The following PITPNB variants were observed in gnomAD, a reference collection of about 807,000 sequenced individuals.
PITPNB encodes the protein phosphatidylinositol transfer protein beta isoform.
PITPNB carries 16 observed loss-of-function variants against 45.9 expected under a neutral mutation model. That is an observed-to-expected ratio of 0.35 (90% confidence interval 0.24 to 0.53). The LOEUF (loss-of-function observed/expected upper bound fraction) is 0.53, where lower values mean the gene tolerates loss of function less well. Among genes scored for constraint, PITPNB ranks in the 20% least tolerant of loss-of-function variants. PITPNB has a pLI of 0.93. For missense variants in PITPNB, 188 were observed against 330.5 expected, an observed-to-expected ratio of 0.57 and a Z score of 3.34; for synonymous variants, 112 against 108.9, an observed-to-expected ratio of 1.03 and a Z score of -0.18.
At chr22:27,902,520 C>T (rs1935627578) in intron 3 of PITPNB, among the ~76,000 whole-genome samples, 1 of 149,900 alleles carries the variant, frequency 6.7e-6, no homozygotes, top group Admixed American at 6.6e-5. Flanking sequence ...AGAATGGATG[C>T]AATTATTGAG....
In PITPNB at chr22:27,916,321, A is replaced by G. The variant is rs1196807466; in HGVS notation, c.21-1974T>C. 2.6e-5 allele frequency among the ~76,000 whole-genome samples: 4 copies of G among 152,250 alleles called. No individual in the cohort carries two copies. In the East Asian group the frequency reaches 7.7e-4, roughly 29 times the overall value. On this transcript the variant is annotated intron_variant, in intron 1 of 11. Transcript: ENST00000335272. ...TTTCTGTTGTTATTCTAAAAGCAGT[A>G]TTCAACTTTCAGTGCCAGTTGAAAA... is the stretch of plus-strand genomic sequence containing the variant.
At chr22:27,868,308 T>C (rs906421491) in intron 8 of PITPNB, among the ~76,000 whole-genome samples, 16 of 152,144 alleles carry the variant, frequency 1.1e-4, no homozygotes, top group African/African-American at 3.9e-4. Flanking sequence ...TCAAAAGAGA[T>C]TTCCACACCT....
intron 8 of PITPNB, among the ~76,000 whole-genome samples, chr22:27,872,149 A>C (rs974860969): frequency 8.0e-6 from 1 of 125,038 alleles, no homozygotes; most frequent in Admixed American, 1.1e-4. Context: ...GTTGGAGTGC[A>C]ATGGTGCAAT....
At chr22:27,902,550 C>A (rs1935629693) in intron 3 of PITPNB, among the ~76,000 whole-genome samples, 1 of 151,892 alleles carries the variant, frequency 6.6e-6, no homozygotes, top group Admixed American at 6.6e-5. Flanking sequence ...AAAATTAACT[C>A]AAAATGGATA....
At chr22:27,882,143 T>TA (rs1253741608) in intron 7 of PITPNB, among the ~76,000 whole-genome samples, 2 of 152,194 alleles carry the variant, frequency 1.3e-5, no homozygotes, top group Non-Finnish European at 2.9e-5. Flanking sequence ...GACCAAAACT[T>TA]ACATGCCCCT....
intron 7 of PITPNB, among the ~76,000 whole-genome samples, chr22:27,889,633 G>A (rs544482792): frequency 2.6e-4 from 39 of 152,260 alleles, no homozygotes; most frequent in African/African-American, 9.1e-4. Flanking sequence ...AAATCCTACA[G>A]CACTTTGGAC....
intron 8 of PITPNB, among the ~76,000 whole-genome samples, chr22:27,869,513 C>G (rs890765536): frequency 3.3e-4 from 50 of 150,508 alleles, no homozygotes; most frequent in African/African-American, 1.1e-3. Flanking sequence ...AATAAAATCA[C>G]TCATTAAACA....
intron 7 of PITPNB, among the ~76,000 whole-genome samples, chr22:27,882,220 T>C (rs968059169): frequency 1.3e-5 from 2 of 152,192 alleles, no homozygotes; most frequent in Non-Finnish European, 2.9e-5. Flanking sequence ...ATAATATGTT[T>C]AAAAAGAGCA....
intron 3 of PITPNB, chr22:27,910,681 T>C (rs1935894878): frequency 3.6e-6 from 1 of 278,042 alleles, no homozygotes; most frequent in Non-Finnish European, 6.8e-6. Context: ...GAAAATGATC[T>C]AGAAAGATAA....
At chr22:27,917,352 T>G (rs1398149017) in intron 1 of PITPNB, among the ~76,000 whole-genome samples, 3 of 152,162 alleles carry the variant, frequency 2.0e-5, no homozygotes, top group Non-Finnish European at 4.4e-5. Flanking sequence ...GAAAGAAAAA[T>G]GACTGGATCT....
At chr22:27,909,767 T>C (rs1360198436) in intron 3 of PITPNB, among the ~76,000 whole-genome samples, 1 of 152,084 alleles carries the variant, frequency 6.6e-6, no homozygotes, top group Non-Finnish European at 1.5e-5. Context: ...TATAGACACA[T>C]GTACAACCAT....
intron 8 of PITPNB, 51 bp from the exon 9 acceptor site, chr22:27,860,292 T>G: frequency 9.1e-7 from 1 of 1,101,630 alleles, no homozygotes; most frequent in South Asian, 1.4e-5. Context: ...TATTTATGTT[T>G]TCATTAAAAT....
intron 8 of PITPNB, among the ~76,000 whole-genome samples, chr22:27,863,686 A>C (rs912322463): frequency 2.0e-5 from 3 of 152,234 alleles, no homozygotes; most frequent in Admixed American, 1.3e-4. Context: ...AGAATTCTCC[A>C]GCAATTTTAT....
chr22:27,873,808 T>C lies in PITPNB; in HGVS notation c.464A>G (p.Lys155Arg), dbSNP rs556173448. The part of the protein sequence containing the change: ...DRSQVEPADY[K>R]ADEDPALFQS... ...GAATAATGCTGGGTCTTCATCAGCT[T>C]TGTAGTCCTGCAAAGCAAAACAAAG... Residue 155 changes from lysine to arginine, a missense_variant, in exon 8 of 12, where the codon AAA becomes AGA. Transcript: ENST00000335272. The C allele has an allele frequency of 3.0e-5, 48 of 1,611,466 alleles. No homozygotes were observed. The highest frequency in any genetic ancestry group is 3.3e-5 in the Admixed American group (2 of 59,998).
intron 7 of PITPNB, among the ~76,000 whole-genome samples, chr22:27,881,749 G>C (rs2146378560): frequency 6.6e-6 from 1 of 151,002 alleles, no homozygotes; most frequent in East Asian, 1.9e-4. Context: ...TGAAAGCTGT[G>C]AGAGAGAACC....
chr22:27,919,143 G>GCC, intron 1 of PITPNB, 29 bp downstream of exon 1: 3 of 1,613,954 alleles, frequency 1.9e-6, no homozygotes, highest in Non-Finnish European at 2.5e-6. Context: ...CCGTCCCACG[G>GCC]CCTCGCTCGC....
rs1200665791 is a variant in PITPNB, at chr22:27,894,265, T to C, written c.456+290A>G. On this transcript the variant is annotated intron_variant, in intron 7 of 11. Coordinates refer to ENST00000335272, the MANE Select transcript of PITPNB (RefSeq NM_012399.5). Reference sequence around the variant, plus strand: ...AATTATTTTGTAAACAATGTGTTTTTTGTTTTTCAATGAAAACAACCTACA... The same window carrying C: ...AATTATTTTGTAAACAATGTGTTTTCTGTTTTTCAATGAAAACAACCTACA... 12 of 241,042 alleles carry C rather than the reference T, an allele frequency of 5.0e-5. No homozygotes were observed. In the East Asian group the frequency reaches 8.6e-4, roughly 17 times the overall value. 14.9% of individuals were successfully genotyped at this position (241,042 alleles called of 1,614,324 possible). A position where few individuals can be genotyped will look rare whatever the true frequency, so the allele number is the denominator to read the frequency against.
At chr22:27,869,288 T>C (rs768850695) in intron 8 of PITPNB, among the ~76,000 whole-genome samples, 18 of 152,186 alleles carry the variant, frequency 1.2e-4, no homozygotes, top group Non-Finnish European at 2.5e-4. Flanking sequence ...TAAAAATTCT[T>C]TCTTCAGAGG....
chr22:27,873,884 G>T, intron 7 of PITPNB, 69 bp from the exon 8 acceptor site: 1 of 943,950 alleles, frequency 1.1e-6, no homozygotes, highest in East Asian at 2.4e-5. Context: ...TGCCAGAATA[G>T]CTCTTCGCAG....
Sources: allele counts gnomAD v4.1 joint callset (sites outside exome capture counted in the v4.1 genomes callset), GRCh38; gene constraint gnomAD v4.1.1; transcripts MANE v1.5; gene names NCBI Gene and HGNC (gene_info 2026-07-23, HGNC 2026-07-21).